Variants in RNF212B observed in about 807,000 individuals in gnomAD.
The protein encoded by RNF212B is E3 ubiquitin-protein ligase RNF212B.
RNF212B carries 52 observed loss-of-function variants against 55.5 expected under a neutral mutation model. That is an observed-to-expected ratio of 0.94 (90% confidence interval 0.75 to 1.18). The LOEUF (loss-of-function observed/expected upper bound fraction) is 1.18, where lower values mean the gene tolerates loss of function less well. Ranked by LOEUF, RNF212B falls within the 50% of genes most tolerant of loss-of-function variation. The pLI is 0.00. For synonymous variants in RNF212B, 99 were observed against 121.4 expected, an observed-to-expected ratio of 0.82 and a Z score of 1.21; for missense variants, 289 against 350.4, an observed-to-expected ratio of 0.82 and a Z score of 1.40.
intron 2 of RNF212B, among the ~76,000 whole-genome samples, chr14:23,206,433 T>C (rs1879839443): frequency 1.3e-5 from 2 of 152,350 alleles, no homozygotes; most frequent in South Asian, 4.1e-4. Context: ...GCCAATTAGT[T>C]AGAGCTCTTT....
chr14:23,225,247 G>A (rs1881905785), intron 2 of RNF212B, among the ~76,000 whole-genome samples: 1 of 151,938 alleles, frequency 6.6e-6, no homozygotes, highest in Non-Finnish European at 1.5e-5. Context: ...AACAGTTTGG[G>A]GATTCCTCAA....
upstream of RNF212B, among the ~76,000 whole-genome samples, chr14:23,236,974 T>G (rs1335133145): frequency 6.7e-6 from 1 of 149,378 alleles, no homozygotes. Context: ...TTTTTTTTTT[T>G]TTTGTTTGAG....
chr14:23,234,854 T>C (rs1048133898), upstream of RNF212B, among the ~76,000 whole-genome samples: 1 of 152,190 alleles, frequency 6.6e-6, no homozygotes, highest in Non-Finnish European at 1.5e-5. Context: ...GGCAGCAAGA[T>C]GGTTTGAGGT....
At chr14:23,260,872 G>A (rs1251423778) in intron 7 of RNF212B, among the ~76,000 whole-genome samples, 185 bp downstream of exon 7, 1 of 152,216 alleles carries the variant, frequency 6.6e-6, no homozygotes, top group Non-Finnish European at 1.5e-5. Flanking sequence ...ACCCTGGATT[G>A]TCATCTTATG....
At chr14:23,243,224 G>C (rs979679010) in intron 2 of RNF212B, 32 bp from the exon 3 acceptor site, 33 of 1,535,356 alleles carry the variant, frequency 2.1e-5, no homozygotes, top group East Asian at 2.5e-5. Context: ...ATGCTCATGA[G>C]AGCCAAATAT....
intron 2 of RNF212B, among the ~76,000 whole-genome samples, chr14:23,208,948 C>T (rs12880612): frequency 0.44 from 66,699 of 150,070 alleles, 17,690 homozygotes; most frequent in Admixed American, 0.58. Flanking sequence ...TTAGTAGAGA[C>T]GGGGTTTCAT....
chr14:23,211,110 T>A (rs1419741952), intron 2 of RNF212B, among the ~76,000 whole-genome samples: 1 of 151,054 alleles, frequency 6.6e-6, no homozygotes, highest in Non-Finnish European at 1.5e-5. Flanking sequence ...CCCAGCTACC[T>A]GGGAGGCTGA....
At chr14:23,248,765 T>C (rs936254285) in intron 4 of RNF212B, among the ~76,000 whole-genome samples, 2 of 152,308 alleles carry the variant, frequency 1.3e-5, no homozygotes, top group Admixed American at 1.3e-4. Context: ...ATAAGGACAC[T>C]AATCCCATTC....
intron 2 of RNF212B, among the ~76,000 whole-genome samples, chr14:23,241,582 C>T (rs2140437077): frequency 6.6e-6 from 1 of 152,084 alleles, no homozygotes; most frequent in East Asian, 2.0e-4. Flanking sequence ...CACCACCATG[C>T]CTGGCTAACT....
intron 2 of RNF212B, among the ~76,000 whole-genome samples, chr14:23,213,979 T>TG (rs1375114971): frequency 3.0e-4 from 46 of 152,298 alleles, no homozygotes; most frequent in African/African-American, 1.1e-3. Flanking sequence ...TAAAAAGTGC[T>TG]TCAATGAATT....
intron 2 of RNF212B, among the ~76,000 whole-genome samples, chr14:23,223,442 G>A (rs185164096): frequency 2.2e-4 from 33 of 151,740 alleles, no homozygotes; most frequent in Non-Finnish European, 3.5e-4. Context: ...TGCAACCTCC[G>A]CCTCACGGGT....
chr14:23,265,803 T>G (rs1291939386), intron 11 of RNF212B, among the ~76,000 whole-genome samples: 1 of 152,220 alleles, frequency 6.6e-6, no homozygotes, highest in African/African-American at 2.4e-5. Context: ...TTCTCATTAT[T>G]TTGGATTTAG....
intron 2 of RNF212B, among the ~76,000 whole-genome samples, chr14:23,221,885 G>A (rs1407824383): frequency 6.6e-6 from 1 of 152,174 alleles, no homozygotes; most frequent in Non-Finnish European, 1.5e-5. Flanking sequence ...GCTTCTGAAT[G>A]AACAGTGGGC....
intron 2 of RNF212B, among the ~76,000 whole-genome samples, chr14:23,204,452 A>G (rs1167927624): frequency 6.6e-6 from 1 of 152,190 alleles, no homozygotes; most frequent in Non-Finnish European, 1.5e-5. Context: ...GTGGCTAGCC[A>G]ATTATCCCAG....
chr14:23,226,200 A>G (rs1881989690), intron 2 of RNF212B, among the ~76,000 whole-genome samples: 1 of 149,640 alleles, frequency 6.7e-6, no homozygotes, highest in South Asian at 2.1e-4. Flanking sequence ...CGGGAGGCTG[A>G]GGCAGGAGAA....
chr14:23,264,029 A>G, intron 9 of RNF212B, 145 bp from the exon 10 acceptor site: 1 of 568,886 alleles, frequency 1.8e-6, no homozygotes, highest in South Asian at 2.3e-5. Flanking sequence ...CGGAGGCTGC[A>G]GTGAGCTAAG....
chr14:23,245,849 G>C (rs1251132557), intron 4 of RNF212B, among the ~76,000 whole-genome samples: 2 of 152,130 alleles, frequency 1.3e-5, no homozygotes, highest in African/African-American at 4.8e-5. Flanking sequence ...CATGAAAACA[G>C]ATTTGGTTGG....
intron 2 of RNF212B, among the ~76,000 whole-genome samples, chr14:23,207,986 A>C (rs775511316): frequency 3.3e-5 from 5 of 152,220 alleles, no homozygotes; most frequent in African/African-American, 4.8e-5. Context: ...AGTTTCTGTT[A>C]GCCTTTCCAA....
intron 2 of RNF212B, among the ~76,000 whole-genome samples, chr14:23,199,577 A>G (rs943144902): frequency 6.6e-6 from 1 of 152,134 alleles, no homozygotes; most frequent in African/African-American, 2.4e-5. Context: ...CAAGAAAATG[A>G]ATCTCTGGTC....
Sources: allele counts gnomAD v4.1 joint callset (sites outside exome capture counted in the v4.1 genomes callset), GRCh38; gene constraint gnomAD v4.1.1; transcripts MANE v1.5; gene names NCBI Gene and HGNC (gene_info 2026-07-23, HGNC 2026-07-21).